The following AGAP1 variants were observed in gnomAD, a reference collection of about 807,000 sequenced individuals.
The protein encoded by AGAP1 is arf-GAP with GTPase, ANK repeat and PH domain-containing protein 1.
AGAP1 carries 29 observed loss-of-function variants against 105.3 expected under a neutral mutation model. The observed-to-expected ratio is 0.28, with a 90% CI of 0.21 to 0.38. AGAP1 has a LOEUF of 0.38. AGAP1 is among the 10% of genes least tolerant of loss of function. AGAP1 has a pLI of 1.00. For synonymous variants in AGAP1, 509 were observed against 485.9 expected (o/e 1.05, Z -0.63); for missense variants, 998 against 1,165.1 (o/e 0.86, Z 2.09).
chr2:236,079,848 C>T (rs1014156474), intron 16 of AGAP1, among the ~76,000 whole-genome samples: 2 of 152,214 alleles, frequency 1.3e-5, no homozygotes, highest in African/African-American at 2.4e-5. Flanking sequence ...ACTCAAGGCA[C>T]TGGTTACCAG....
At chr2:235,688,977 A>C (rs1383250341) in intron 1 of AGAP1, among the ~76,000 whole-genome samples, 1 of 152,198 alleles carries the variant, frequency 6.6e-6, no homozygotes, top group Non-Finnish European at 1.5e-5. Flanking sequence ...TACTGTTGGA[A>C]GCACTTTGCT....
intron 16 of AGAP1, among the ~76,000 whole-genome samples, chr2:236,066,563 C>A (rs899942661): frequency 2.0e-5 from 3 of 152,138 alleles, no homozygotes; most frequent in Non-Finnish European, 2.9e-5. Flanking sequence ...TCTTAAGGTC[C>A]CAGTATCATG....
At position 236,121,364 on chromosome 2, in the gene AGAP1, G is replaced by A. The variant is rs1412419827; in HGVS notation, c.2370+917G>A. Reference sequence around the variant, plus strand: ...CACCCAGGCTGGAGTGCAGTGGTGCGATCTCAGCTCACTGCAACCTCCGCC... The same window carrying A: ...CACCCAGGCTGGAGTGCAGTGGTGCAATCTCAGCTCACTGCAACCTCCGCC... On this transcript the variant is annotated intron_variant, in intron 17 of 17. Coordinates refer to ENST00000304032, the MANE Select transcript of AGAP1 (RefSeq NM_001037131.3). This position sits in a 1 kb window ranked among gnomAD's most constrained non-coding sequence, Gnocchi z 4.9. Among the ~76,000 whole-genome samples the A allele has an allele frequency of 3.3e-5, 5 of 152,076 alleles. No individual in the cohort carries two copies. Among genetic ancestry groups the A allele is most frequent in the South Asian group, 4.2e-4 (2 of 4,796 alleles).
At chr2:235,763,308 A>G (rs191610353) in intron 6 of AGAP1, among the ~76,000 whole-genome samples, 1 of 152,278 alleles carries the variant, frequency 6.6e-6, no homozygotes, top group African/African-American at 2.4e-5. Context: ...CACAAAAAAA[A>G]AAAAATTAAA....
chr2:235,738,281 T>C (rs1952368892), intron 3 of AGAP1, among the ~76,000 whole-genome samples: 1 of 152,116 alleles, frequency 6.6e-6, no homozygotes, highest in Non-Finnish European at 1.5e-5. Flanking sequence ...CCCTGTTTGC[T>C]GAGCTCCTCT....
intron 1 of AGAP1, among the ~76,000 whole-genome samples, chr2:235,591,994 G>A (rs571663294): frequency 6.6e-6 from 1 of 152,254 alleles, no homozygotes; most frequent in African/African-American, 2.4e-5. Flanking sequence ...TAGCCTTCAG[G>A]ACCATGAGCC....
At chr2:236,011,790 C>T (rs1419143048) in intron 13 of AGAP1, among the ~76,000 whole-genome samples, 11 of 152,058 alleles carry the variant, frequency 7.2e-5, no homozygotes, top group African/African-American at 2.7e-4. Context: ...CCCCTGAAGT[C>T]CCCGAGAATC....
At chr2:235,800,251 A>ATGTC (rs1957432269) in intron 8 of AGAP1, among the ~76,000 whole-genome samples, 1 of 150,346 alleles carries the variant, frequency 6.7e-6, no homozygotes, top group Non-Finnish European at 1.5e-5. Flanking sequence ...GGCACTCACC[A>ATGTC]CTACGTGTGG....
At chr2:235,916,221 C>G (rs1018896832) in intron 11 of AGAP1, among the ~76,000 whole-genome samples, 6 of 152,170 alleles carry the variant, frequency 3.9e-5, no homozygotes, top group Non-Finnish European at 8.8e-5. Flanking sequence ...CCTTCCCTTC[C>G]TCATTCAAGG....
At chr2:236,117,206 C>T (rs1435776532) in intron 16 of AGAP1, among the ~76,000 whole-genome samples, 1 of 152,226 alleles carries the variant, frequency 6.6e-6, no homozygotes, top group Non-Finnish European at 1.5e-5. Context: ...TACTAGTTTA[C>T]ATTCCCACCA....
chr2:236,052,321 CCAAACACA>C (rs1303491734), intron 16 of AGAP1, among the ~76,000 whole-genome samples: 1 of 152,084 alleles, frequency 6.6e-6, no homozygotes, highest in Admixed American at 6.6e-5. Flanking sequence ...GCCCCCACCC[CCAAACACA>C]CAAACACACA....
At chr2:235,955,189 G>A (rs1055411669) in intron 12 of AGAP1, among the ~76,000 whole-genome samples, 2 of 152,136 alleles carry the variant, frequency 1.3e-5, no homozygotes, top group South Asian at 2.1e-4. Flanking sequence ...AGCTGCCTTC[G>A]AGTCTGTGCG....
Position 235,882,499 on chromosome 2 carries a change from T to TA in AGAP1, c.1051-842dup. ...ACGTCTGGTTTGTCTGCCATTTTCTTAAAACAATCGGTACCATCCGTGGCG... is the reference window on the plus strand; with the variant it reads ...ACGTCTGGTTTGTCTGCCATTTTCTTAAAAACAATCGGTACCATCCGTGGCG... On this transcript the variant is annotated intron_variant, in intron 9 of 17. Coordinates refer to ENST00000304032, the MANE Select transcript of AGAP1 (RefSeq NM_001037131.3). This position sits in a 1 kb window ranked among gnomAD's most constrained non-coding sequence, Gnocchi z 4.6. 6.7e-7 allele frequency: 1 copy of TA among 1,501,850 alleles called. No individual in the cohort carries two copies. The highest frequency in any genetic ancestry group is 9.2e-7 in the Non-Finnish European group (1 of 1,086,184). 93.0% of individuals were successfully genotyped at this position (1,501,850 alleles called of 1,614,324 possible).
intron 1 of AGAP1, among the ~76,000 whole-genome samples, chr2:235,644,429 C>A (rs142429648): frequency 6.6e-6 from 1 of 152,196 alleles, no homozygotes; most frequent in East Asian, 1.9e-4. Flanking sequence ...CTTACACATA[C>A]GTTTCCATGG....
intron 1 of AGAP1, among the ~76,000 whole-genome samples, chr2:235,681,947 T>C (rs1575114301): frequency 6.7e-6 from 1 of 148,298 alleles, no homozygotes; most frequent in South Asian, 2.1e-4. Flanking sequence ...GCCTCCCAGG[T>C]TCAAGCAATT....
At chr2:235,718,871 T>G (rs1341604119) in intron 3 of AGAP1, among the ~76,000 whole-genome samples, 1 of 152,164 alleles carries the variant, frequency 6.6e-6, no homozygotes, top group Non-Finnish European at 1.5e-5. Context: ...ATGGCATGAT[T>G]TGGAGAAATG....
chr2:235,674,476 A>G (rs1057165500), intron 1 of AGAP1, among the ~76,000 whole-genome samples: 2 of 152,210 alleles, frequency 1.3e-5, no homozygotes, highest in African/African-American at 4.8e-5. Flanking sequence ...CACACTGGCT[A>G]TGCCCATCCA....
intron 1 of AGAP1, among the ~76,000 whole-genome samples, chr2:235,530,127 G>A (rs1165574455): frequency 3.3e-5 from 5 of 152,082 alleles, no homozygotes; most frequent in African/African-American, 9.7e-5. Flanking sequence ...AAAACTCCCC[G>A]TAGGACTACA....
intron 12 of AGAP1, among the ~76,000 whole-genome samples, chr2:235,933,960 CTGT>C (rs1281981719): frequency 6.6e-6 from 1 of 152,162 alleles, no homozygotes. Context: ...AGAGTAGATC[CTGT>C]TGTTACCTGC....
Sources: gnomAD v4.1 joint callset for allele counts (sites outside exome capture counted in the v4.1 genomes callset) on GRCh38, gnomAD v4.1.1 for gene constraint, Gnocchi (gnomAD v3.1) non-coding constraint, MANE v1.5 for transcripts, NCBI Gene and HGNC (gene_info 2026-07-23, HGNC 2026-07-21) for gene names.